The following DLEC1 variants were observed in gnomAD, a reference collection of about 807,000 sequenced individuals.
DLEC1 encodes the protein deleted in lung and esophageal cancer protein 1.
A neutral mutation model predicts 198.1 loss-of-function variants in DLEC1; 146 were observed. The observed-to-expected ratio is 0.74, with a 90% CI of 0.64 to 0.85. The LOEUF (loss-of-function observed/expected upper bound fraction) is 0.85. Ranked by LOEUF, DLEC1 falls within the 40% of genes least tolerant of loss-of-function variation. The pLI is 0.00. For missense variants in DLEC1, 2,233 were observed against 2,220.0 expected (o/e 1.01, Z -0.12); for synonymous variants, 897 against 866.8 (o/e 1.03, Z -0.61).
chr3:38,097,727 C>T lies in DLEC1; in HGVS notation c.2566-17C>T, dbSNP rs1251780706. ...CATCCCCAGGTGGCCCAGTGACAGGCCCTCTGGGTGTCTCAGGGGCCTGCC... is the reference window on the plus strand; with the variant it reads ...CATCCCCAGGTGGCCCAGTGACAGGTCCTCTGGGTGTCTCAGGGGCCTGCC... On this transcript the variant is annotated splice_polypyrimidine_tract_variant and intron_variant, in intron 17 of 36. Transcript: ENST00000308059. 1.9e-6 allele frequency: 3 copies of T among 1,613,758 alleles called. No individual in the cohort carries two copies. Among genetic ancestry groups the T allele is most frequent in the Non-Finnish European group, 2.5e-6 (3 of 1,179,710 alleles).
chr3:38,059,161 C>G (rs1246650658), intron 2 of DLEC1, among the ~76,000 whole-genome samples: 3 of 152,154 alleles, frequency 2.0e-5, no homozygotes, highest in Non-Finnish European at 4.4e-5. Context: ...TGGACTGGCT[C>G]CAAGCTGTGG....
chr3:38,067,652 T>A (rs552292033), intron 6 of DLEC1, among the ~76,000 whole-genome samples: 1 of 152,254 alleles, frequency 6.6e-6, no homozygotes, highest in Middle Eastern at 3.4e-3. Context: ...TACCAGAATG[T>A]CTACACCACA....
intron 1 of DLEC1, 40 bp from the exon 2 acceptor site, chr3:38,045,503 T>G (rs749240828): frequency 6.3e-7 from 1 of 1,595,288 alleles, no homozygotes; most frequent in East Asian, 2.2e-5. Flanking sequence ...TGGTAAGTAA[T>G]CTCACCATAT....
chr3:38,120,495 G>A lies in DLEC1; in HGVS notation c.4752G>A (p.Lys1584=). Residue 1584 remains lysine, a synonymous_variant, in exon 34 of 37, where the codon AAG becomes AAA. Coordinates refer to ENST00000308059, the MANE Select transcript of DLEC1 (RefSeq NM_007335.4). ...SLSLELLSYQ[K]LPADQTLPGV... The stretch of plus-strand genomic sequence containing the variant: ...CCCTGGAGCTGCTCTCCTATCAGAA[G>A]CTCCCAGCTGACCAGACACTGCCTG... The A allele has an allele frequency of 6.2e-7, 1 of 1,614,240 alleles. No individual in the cohort carries two copies. The highest frequency in any genetic ancestry group is 8.5e-7 in the Non-Finnish European group (1 of 1,180,036).
At chr3:38,098,507 G>T (rs73825497) in intron 18 of DLEC1, among the ~76,000 whole-genome samples, 1 of 152,110 alleles carries the variant, frequency 6.6e-6, no homozygotes, top group South Asian at 2.1e-4. Context: ...CAAAATGCCC[G>T]CAGTGAGTCG....
intron 6 of DLEC1, among the ~76,000 whole-genome samples, chr3:38,069,904 C>T (rs1268468663): frequency 6.6e-6 from 1 of 152,158 alleles, no homozygotes; most frequent in Non-Finnish European, 1.5e-5. Flanking sequence ...AATAGGAAGA[C>T]ATACTTCATA....
intron 23 of DLEC1, among the ~76,000 whole-genome samples, chr3:38,111,227 T>C (rs1283757844): frequency 2.0e-5 from 3 of 151,982 alleles, no homozygotes; most frequent in African/African-American, 7.3e-5. Context: ...CCATGAACAG[T>C]TTATAAGGCA....
At chr3:38,074,838 G>C (rs185929939) in intron 6 of DLEC1, among the ~76,000 whole-genome samples, 17 of 152,240 alleles carry the variant, frequency 1.1e-4, no homozygotes, top group Admixed American at 9.2e-4. Flanking sequence ...TATTTAGTGG[G>C]GTCTGATGAG....
intron 2 of DLEC1, among the ~76,000 whole-genome samples, chr3:38,049,662 C>A (rs1228578315): frequency 1.3e-5 from 2 of 152,218 alleles, no homozygotes; most frequent in African/African-American, 4.8e-5. Flanking sequence ...GGGGTACATG[C>A]CCAGGCCTGA....
chr3:38,122,376 C>T lies in DLEC1; in HGVS notation c.5232C>T (p.Ser1744=), dbSNP rs190570989. The T allele has an allele frequency of 6.6e-4, 1,058 of 1,614,162 alleles. 1 individual carries two copies. The highest frequency in any genetic ancestry group is 5.8e-3 in the Middle Eastern group (35 of 6,062). The change falls in exon 37 of 37, where the codon TCC becomes TCT. Residue 1744 remains serine (S), a synonymous_variant. Transcript: ENST00000308059. ...CCCTGCGGCTCCGGGGCCAAGGCTC[C>T]TATGATGAGAGATACATGTTGCCTC... ...SCTLRLRGQG[S]YDERYMLPHQ...
At chr3:38,076,004 A>G (rs1041314900) in intron 6 of DLEC1, among the ~76,000 whole-genome samples, 1 of 152,210 alleles carries the variant, frequency 6.6e-6, no homozygotes, top group African/African-American at 2.4e-5. Context: ...GCATCCCTGC[A>G]ATGATTAAAC....
At position 38,116,984 on chromosome 3, in the gene DLEC1, G is replaced by T; in HGVS notation, c.4189G>T (p.Ala1397Ser). Residue 1397 changes from alanine to serine, a missense_variant, in exon 30 of 37, where the codon GCT (alanine) becomes TCT (serine). Coordinates refer to ENST00000308059, the MANE Select transcript of DLEC1 (RefSeq NM_007335.4). ...CISPKQVVVP[A>S]GGSSTIYISF... ...GCTGTGTCTATGCCAGGTGGTCCCT[G>T]CTGGGGGCAGCAGTACCATCTACAT... 8.7e-6 allele frequency: 14 copies of T among 1,613,878 alleles called. No homozygotes were observed. The highest frequency in any genetic ancestry group is 1.1e-5 in the Non-Finnish European group (13 of 1,179,954).
intron 6 of DLEC1, among the ~76,000 whole-genome samples, chr3:38,077,771 T>C (rs1006270282): frequency 4.6e-5 from 7 of 152,108 alleles, no homozygotes; most frequent in Non-Finnish European, 1.0e-4. Context: ...ACTCAGGGCA[T>C]GTTGAGTAAA....
At position 38,120,535 on chromosome 3, in the gene DLEC1, C is replaced by T. The variant is rs1276008652; in HGVS notation, c.4792C>T (p.Gln1598Ter). 1 of 1,614,214 alleles carries T rather than the reference C, an allele frequency of 6.2e-7. No homozygotes were observed. The highest frequency in any genetic ancestry group is 8.5e-7 in the Non-Finnish European group (1 of 1,180,032). Residue 1598 changes from glutamine to a stop codon, truncating the protein, a stop_gained, in exon 34 of 37, where the codon CAG (glutamine) becomes TAG (stop). Transcript: ENST00000308059. LOFTEE classifies it high-confidence loss of function. ...DQTLPGVDIQQSASGEREMVF... is the reference protein window; with the variant it reads ...DQTLPGVDIQ ...GACACTGCCTGGGGTGGACATTCAG[C>T]AGAGTGCGAGTGGAGAGAGAGAGAT...
intron 26 of DLEC1, 106 bp downstream of exon 26, chr3:38,114,566 G>A: frequency 8.8e-7 from 1 of 1,133,126 alleles, no homozygotes. Context: ...GCTGGCCTAG[G>A]GCCATTGGTG....
At chr3:38,080,500 C>T (rs1019658288) in intron 6 of DLEC1, among the ~76,000 whole-genome samples, 3 of 152,058 alleles carry the variant, frequency 2.0e-5, no homozygotes, top group East Asian at 1.9e-4. Flanking sequence ...ACATCAGGCA[C>T]CTCAGACCGT....
intron 6 of DLEC1, among the ~76,000 whole-genome samples, chr3:38,079,813 C>G (rs1697865286): frequency 6.6e-6 from 1 of 152,140 alleles, no homozygotes; most frequent in Admixed American, 6.5e-5. Flanking sequence ...TTCTCGTGTG[C>G]TGGAGATGTG....
chr3:38,100,777 C>T (rs1699265602), intron 19 of DLEC1, among the ~76,000 whole-genome samples: 1 of 152,096 alleles, frequency 6.6e-6, no homozygotes, highest in Non-Finnish European at 1.5e-5. Flanking sequence ...GATGTGTGCT[C>T]ATGTTGGAAT....
At chr3:38,106,863 A>T (rs1699595305) in intron 19 of DLEC1, among the ~76,000 whole-genome samples, 1 of 152,106 alleles carries the variant, frequency 6.6e-6, no homozygotes, top group South Asian at 2.1e-4. Flanking sequence ...ATGAACATTA[A>T]TCATACCTAC....
Sources: allele counts gnomAD v4.1 joint callset (sites outside exome capture counted in the v4.1 genomes callset), GRCh38; gene constraint gnomAD v4.1.1; transcripts MANE v1.5; gene names NCBI Gene and HGNC (gene_info 2026-07-23, HGNC 2026-07-21).